The following CFAP141 variants were observed in gnomAD, a reference collection of about 807,000 sequenced individuals.
CFAP141 encodes the protein cilia and flagella associated protein 141.
the CFAP141 span, among the ~76,000 whole-genome samples, chr1:154,205,883 A>G: frequency 6.6e-6 from 1 of 152,062 alleles, no homozygotes. Context: ...TTGTATTTTT[A>G]GTAGAGATGG....
the CFAP141 span, chr1:154,199,234 C>A: frequency 2.7e-5 from 9 of 332,944 alleles, no homozygotes; most frequent in Non-Finnish European, 4.6e-5. Flanking sequence ...ACTGTTGTTT[C>A]ATAGATTGTT....
chr1:154,201,296 C>CCAAATCCAATTTCTCTAAAGTT, the CFAP141 span, among the ~76,000 whole-genome samples: 1 of 150,958 alleles, frequency 6.6e-6, no homozygotes, highest in East Asian at 2.0e-4. Context: ...GCGCCTGGCC[C>CCAAATCCAATTTCTCTAAAGTT]ATAGGCATTA....
At chr1:154,203,263 CT>C in the CFAP141 span, among the ~76,000 whole-genome samples, 5 of 64,478 alleles carry the variant, frequency 7.8e-5, no homozygotes, top group South Asian at 6.1e-4. Context: ...GTAGTTTTTA[CT>C]TTTTTTTTTT....
chr1:154,204,522 C>T, the CFAP141 span, among the ~76,000 whole-genome samples: 14 of 152,054 alleles, frequency 9.2e-5, no homozygotes, highest in Non-Finnish European at 2.1e-4. Context: ...CTCAAGCAAT[C>T]CACCTGCCTT....
At chr1:154,203,227 A>G in the CFAP141 span, among the ~76,000 whole-genome samples, 1 of 49,430 alleles carries the variant, frequency 2.0e-5, no homozygotes, top group Non-Finnish European at 3.6e-5. Context: ...ATATATATAT[A>G]TATATATACT....
At chr1:154,205,466 A>G in the CFAP141 span, 1 of 828,396 alleles carries the variant, frequency 1.2e-6, no homozygotes. Context: ...GCTGCTTCTC[A>G]CCCCTTCCGC....
the CFAP141 span, chr1:154,205,582 G>A: frequency 1.4e-5 from 23 of 1,612,158 alleles, no homozygotes; most frequent in Non-Finnish European, 1.9e-5. Flanking sequence ...AAAGGGAGGG[G>A]ATAGAAGCAG....
chr1:154,204,647 C>G, the CFAP141 span, among the ~76,000 whole-genome samples: 1 of 152,002 alleles, frequency 6.6e-6, no homozygotes, highest in South Asian at 2.1e-4. Flanking sequence ...GGTGGCATCA[C>G]TTGACCTGAG....
At chr1:154,201,361 T>C in the CFAP141 span, among the ~76,000 whole-genome samples, 1 of 151,118 alleles carries the variant, frequency 6.6e-6, no homozygotes, top group East Asian at 2.0e-4. Context: ...CCAAGGTCAC[T>C]TAATGGCAGA....
chr1:154,206,195 A>C, the CFAP141 span: 4 of 1,328,672 alleles, frequency 3.0e-6, no homozygotes, highest in Non-Finnish European at 4.4e-6. Flanking sequence ...AGCCTTTCCC[A>C]GTAAAAGATG....
At chr1:154,204,207 GT>G in the CFAP141 span, among the ~76,000 whole-genome samples, 1 of 152,098 alleles carries the variant, frequency 6.6e-6, no homozygotes, top group Non-Finnish European at 1.5e-5. Flanking sequence ...ATTTTTGCCA[GT>G]TCAATGGATA....
the CFAP141 span, chr1:154,205,612 C>T: frequency 6.2e-7 from 1 of 1,614,052 alleles, no homozygotes; most frequent in Non-Finnish European, 8.5e-7. Context: ...CGACCGTCTT[C>T]TTAAGTCCCA....
At chr1:154,200,170 C>T in the CFAP141 span, among the ~76,000 whole-genome samples, 4 of 152,276 alleles carry the variant, frequency 2.6e-5, no homozygotes, top group East Asian at 1.9e-4. Flanking sequence ...CCACCACACC[C>T]GATCTAAGAG....
chr1:154,200,666 C>A, the CFAP141 span: 1 of 1,440,536 alleles, frequency 6.9e-7, no homozygotes, highest in Non-Finnish European at 9.5e-7. Context: ...TAGAGTGAGG[C>A]TGTTTCTTTT....
the CFAP141 span, chr1:154,200,570 A>G: frequency 6.2e-7 from 1 of 1,614,140 alleles, no homozygotes; most frequent in East Asian, 2.2e-5. Flanking sequence ...ACAGACAGTG[A>G]GTATGTGAAT....
chr1:154,200,023 T>G, the CFAP141 span, among the ~76,000 whole-genome samples: 1 of 152,144 alleles, frequency 6.6e-6, no homozygotes, highest in East Asian at 1.9e-4. Context: ...TATAGGCAAG[T>G]GCCACCATGC....
chr1:154,203,154 G>A, the CFAP141 span, among the ~76,000 whole-genome samples: 2 of 68,632 alleles, frequency 2.9e-5, no homozygotes, highest in Non-Finnish European at 3.1e-5. Context: ...AAAAAAAGTT[G>A]TTATCTCTGA....
the CFAP141 span, chr1:154,200,348 A>G: frequency 3.4e-6 from 4 of 1,179,114 alleles, no homozygotes; most frequent in Non-Finnish European, 4.8e-6. Flanking sequence ...GAAAACCTAG[A>G]GGCAAACAAG....
At chr1:154,200,664 G>T in the CFAP141 span, 2 of 1,447,868 alleles carry the variant, frequency 1.4e-6, no homozygotes, top group Non-Finnish European at 1.9e-6. Flanking sequence ...CATAGAGTGA[G>T]GCTGTTTCTT....
Sources: allele counts gnomAD v4.1 joint callset (sites outside exome capture counted in the v4.1 genomes callset), GRCh38; gene constraint gnomAD v4.1.1; transcripts MANE v1.5; gene names NCBI Gene and HGNC (gene_info 2026-07-23, HGNC 2026-07-21).